The following PKHD1 variants were observed in gnomAD, a reference collection of about 807,000 sequenced individuals.
PKHD1 encodes the protein fibrocystin.
Under a neutral mutation model 412.0 loss-of-function variants are expected in PKHD1, and 291 were observed. The observed-to-expected ratio is 0.71, with a 90% CI of 0.64 to 0.78. PKHD1 has a LOEUF of 0.78. Among genes scored for constraint, PKHD1 ranks in the 30% least tolerant of loss-of-function variants. The pLI is 0.00. For synonymous variants in PKHD1, 1,777 were observed against 1,821.5 expected (o/e 0.98, Z 0.62); for missense variants, 4,825 against 4,950.7 (o/e 0.97, Z 0.76).
At chr6:52,043,815 G>T in intron 25 of PKHD1, 85 bp from the exon 26 acceptor site, 1 of 871,340 alleles carries the variant, frequency 1.1e-6, no homozygotes, top group Non-Finnish European at 1.9e-6. Context: ...GTGCTCCCAA[G>T]CTGACACGTG....
At chr6:52,031,172 A>C (rs1288712399) in intron 29 of PKHD1, among the ~76,000 whole-genome samples, 1 of 152,152 alleles carries the variant, frequency 6.6e-6, no homozygotes, top group East Asian at 1.9e-4. Context: ...AATTATTCCC[A>C]CCTATCAAAT....
Position 51,775,843 on chromosome 6 carries a change from C to A in PKHD1, c.8519G>T (p.Arg2840Leu). Reference protein sequence around the residue: ...LRASEGVFCDRMNGIHIDPGT... With the variant: ...LRASEGVFCDLMNGIHIDPGT... The stretch of plus-strand genomic sequence containing the variant: ...TGGGTCAATATGAATTCCATTCATA[C>A]GGTCACAAAAGACTCCCTCTGAGGC... Residue 2840 changes from arginine to leucine, a missense_variant, in exon 54 of 67, where the codon CGT (arginine) becomes CTT (leucine). By Grantham distance (102) the Arg-to-Leu change is moderately radical. Coordinates refer to ENST00000371117, the MANE Select transcript of PKHD1 (RefSeq NM_138694.4). The A allele has an allele frequency of 1.3e-6, 2 of 1,586,450 alleles. No homozygotes were observed. Among genetic ancestry groups the A allele is most frequent in the South Asian group, 1.1e-5 (1 of 90,568 alleles).
At chr6:51,619,589 C>T (rs927095658) in intron 66 of PKHD1, 69 bp from the exon 67 acceptor site, 6 of 1,234,048 alleles carry the variant, frequency 4.9e-6, no homozygotes, top group Non-Finnish European at 7.1e-6. Flanking sequence ...ATTTTGCATA[C>T]TTAGCATTTC....
chr6:52,024,582 T>C lies in PKHD1; in HGVS notation c.5228A>G (p.Glu1743Gly). The change falls in exon 32 of 67, where the codon GAG becomes GGG. Residue 1743 changes from glutamate to glycine, a missense_variant. By Grantham distance (98) the Glu-to-Gly change is moderately conservative (BLOSUM62 -2). Transcript: ENST00000371117. The stretch of plus-strand genomic sequence containing the variant: ...TTATTTGCTTGACTTACCGAAGTTC[T>C]CCGTCACTGCTGTAATAATAACTCT... ...TSRVIITAVT[E>G]NFGCLGGRLV... 2.5e-6 allele frequency: 4 copies of C among 1,614,002 alleles called. No individual in the cohort carries two copies. The highest frequency in any genetic ancestry group is 2.5e-6 in the Non-Finnish European group (3 of 1,179,934).
chr6:52,027,527 C>T (rs918975401), intron 31 of PKHD1, among the ~76,000 whole-genome samples: 2 of 92,380 alleles, frequency 2.2e-5, no homozygotes, highest in African/African-American at 3.8e-5. Context: ...AGCGAAACTC[C>T]GTCTCAAAAA....
chr6:51,997,958 CTAAT>C (rs1456055244), intron 35 of PKHD1, among the ~76,000 whole-genome samples: 8 of 152,288 alleles, frequency 5.3e-5, no homozygotes, highest in African/African-American at 1.7e-4. Context: ...CACAGAAAAA[CTAAT>C]TAAAGACACC....
chr6:51,642,464 G>A (rs781295253), intron 63 of PKHD1, among the ~76,000 whole-genome samples: 6 of 152,152 alleles, frequency 3.9e-5, no homozygotes, highest in Non-Finnish European at 7.4e-5. Flanking sequence ...GTATGTGTAA[G>A]TTGTGGAATA....
At chr6:51,842,904 C>A (rs1770491316) in intron 50 of PKHD1, among the ~76,000 whole-genome samples, 1 of 152,166 alleles carries the variant, frequency 6.6e-6, no homozygotes, top group Non-Finnish European at 1.5e-5. Flanking sequence ...TCTGACATAC[C>A]AGACCTTTTG....
At chr6:51,692,549 C>T (rs893708946) in intron 60 of PKHD1, among the ~76,000 whole-genome samples, 10 of 152,022 alleles carry the variant, frequency 6.6e-5, no homozygotes, top group Admixed American at 4.6e-4. Flanking sequence ...CTTCCTTTTC[C>T]CTAGGTATAG....
At chr6:52,078,039 T>C (rs1193487516) in intron 5 of PKHD1, among the ~76,000 whole-genome samples, 1 of 152,166 alleles carries the variant, frequency 6.6e-6, no homozygotes, top group Non-Finnish European at 1.5e-5. Flanking sequence ...TAAGGAAGCA[T>C]ACCTCTCTAT....
chr6:52,001,621 C>T (rs1798408595), intron 35 of PKHD1, among the ~76,000 whole-genome samples: 2 of 152,006 alleles, frequency 1.3e-5, no homozygotes, highest in Non-Finnish European at 2.9e-5. Flanking sequence ...TTAGTAGAGA[C>T]GGGGTTTCAC....
intron 53 of PKHD1, among the ~76,000 whole-genome samples, chr6:51,781,271 T>G (rs531171255): frequency 2.0e-4 from 31 of 152,160 alleles, no homozygotes; most frequent in Non-Finnish European, 2.9e-5. Context: ...CCAGTAGAAC[T>G]GATTCCATCT....
intron 16 of PKHD1, 29 bp downstream of exon 16, chr6:52,058,294 G>T: frequency 6.2e-7 from 1 of 1,612,394 alleles, no homozygotes; most frequent in African/African-American, 1.3e-5. Flanking sequence ...CCAGAGTTCA[G>T]CTCCATGGGA....
At chr6:51,890,489 A>G (rs1778936188) in intron 43 of PKHD1, among the ~76,000 whole-genome samples, 1 of 152,090 alleles carries the variant, frequency 6.6e-6, no homozygotes, top group African/African-American at 2.4e-5. Flanking sequence ...GAAATTCCAG[A>G]GAGAAATTAA....
intron 60 of PKHD1, among the ~76,000 whole-genome samples, chr6:51,734,910 A>G (rs1052385257): frequency 1.3e-5 from 2 of 152,176 alleles, no homozygotes; most frequent in African/African-American, 4.8e-5. Context: ...CCTTTTTAAT[A>G]TAAGACTTGA....
chr6:51,811,160 G>A (rs552849183), intron 52 of PKHD1, among the ~76,000 whole-genome samples: 10 of 152,182 alleles, frequency 6.6e-5, no homozygotes, highest in South Asian at 4.2e-4. Flanking sequence ...TTTATAATAT[G>A]GTGATTATGT....
intron 25 of PKHD1, among the ~76,000 whole-genome samples, chr6:52,043,995 A>G (rs1053890888): frequency 1.1e-4 from 16 of 152,236 alleles, no homozygotes; most frequent in African/African-American, 3.9e-4. Context: ...TCTCTGTCAT[A>G]TAGAAGTAAA....
At chr6:52,016,778 C>A (rs1322014478) in intron 34 of PKHD1, among the ~76,000 whole-genome samples, 1 of 152,112 alleles carries the variant, frequency 6.6e-6, no homozygotes, top group African/African-American at 2.4e-5. Context: ...AGGAAAGGAA[C>A]TCCTTGCTGA....
At chr6:51,921,694 T>C (rs917205760) in intron 37 of PKHD1, among the ~76,000 whole-genome samples, 1 of 152,244 alleles carries the variant, frequency 6.6e-6, no homozygotes, top group African/African-American at 2.4e-5. Flanking sequence ...CAATCACTGA[T>C]ACCCTTTCTT....
Sources: gnomAD v4.1 joint callset for allele counts (sites outside exome capture counted in the v4.1 genomes callset) on GRCh38, gnomAD v4.1.1 for gene constraint, MANE v1.5 for transcripts, NCBI Gene and HGNC (gene_info 2026-07-23, HGNC 2026-07-21) for gene names.